Variants in ANKRD27 observed in about 807,000 individuals in gnomAD.
ANKRD27 encodes ankyrin repeat domain 27.
ANKRD27 carries 112 observed loss-of-function variants against 129.7 expected under a neutral mutation model. That is an observed-to-expected ratio of 0.86 (90% CI 0.74 to 1.01). The LOEUF (loss-of-function observed/expected upper bound fraction) is 1.01. Among genes scored for constraint, ANKRD27 ranks in the 50% least tolerant of loss-of-function variants. ANKRD27 has a pLI of 0.00. For missense variants in ANKRD27, 1,258 were observed against 1,300.5 expected, an observed-to-expected ratio of 0.97 and a Z score of 0.50; for synonymous variants, 516 against 511.2, an observed-to-expected ratio of 1.01 and a Z score of -0.13.
intron 18 of ANKRD27, among the ~76,000 whole-genome samples, chr19:32,620,608 CA>C (rs1971994894): frequency 6.6e-6 from 1 of 150,672 alleles, no homozygotes; most frequent in African/African-American, 2.4e-5. Flanking sequence ...AAGATGAAAG[CA>C]GGGGCGGTGG....
chr19:32,643,920 A>C (rs1967251849), intron 5 of ANKRD27: 1 of 501,448 alleles, frequency 2.0e-6, no homozygotes, highest in South Asian at 2.2e-5. Context: ...TGTTGCCCAG[A>C]GTAGAGTGCA....
intron 17 of ANKRD27, among the ~76,000 whole-genome samples, chr19:32,624,901 C>T (rs1284672653): frequency 6.6e-6 from 1 of 151,986 alleles, no homozygotes; most frequent in Non-Finnish European, 1.5e-5. Context: ...CCACTGCACT[C>T]CAGCCTGGGC....
chr19:32,671,689 A>G (rs1266876732), intron 1 of ANKRD27, among the ~76,000 whole-genome samples: 1 of 152,230 alleles, frequency 6.6e-6, no homozygotes, highest in East Asian at 1.9e-4. Flanking sequence ...AGTGAGACCT[A>G]TCTCAAAAAC....
At chr19:32,605,976 T>C in intron 23 of ANKRD27, 22 bp from the exon 24 acceptor site, 1 of 1,587,242 alleles carries the variant, frequency 6.3e-7, no homozygotes, top group Non-Finnish European at 8.6e-7. Context: ...AAGGAAAACG[T>C]GCAAACTTAA....
At chr19:32,608,179 T>A (rs2145262265) in intron 22 of ANKRD27, among the ~76,000 whole-genome samples, 1 of 151,002 alleles carries the variant, frequency 6.6e-6, no homozygotes, top group South Asian at 2.1e-4. Flanking sequence ...AATTTTTTTT[T>A]TTTTTTTTTT....
chr19:32,649,724 A>C lies in ANKRD27; in HGVS notation c.171T>G (p.Ile57Met), dbSNP rs771163625. 2 of 1,614,012 alleles carry C rather than the reference A, an allele frequency of 1.2e-6. No individual in the cohort carries two copies. The highest frequency in any genetic ancestry group is 1.7e-6 in the Non-Finnish European group (2 of 1,179,950). The change falls in exon 3 of 29, where the codon ATT becomes ATG. Residue 57 changes from isoleucine to methionine, a missense_variant. Physicochemically the swap from Ile to Met is conservative, Grantham distance 10. Transcript: ENST00000306065. ...IQSTCQFESY[I>M]LIPVEEHFQT... The stretch of plus-strand genomic sequence containing the variant: ...GAAAATGCTCTTCCACAGGTATCAA[A>C]ATGTAGGACTCAAACTGACAAGTAG...
intron 16 of ANKRD27, among the ~76,000 whole-genome samples, chr19:32,626,252 C>T (rs577438799): frequency 6.6e-6 from 1 of 152,274 alleles, no homozygotes; most frequent in Admixed American, 6.5e-5. Context: ...ACTGCAGCCT[C>T]GACCTGCTGG....
At chr19:32,648,307 A>G (rs1458904535) in intron 3 of ANKRD27, among the ~76,000 whole-genome samples, 1 of 152,124 alleles carries the variant, frequency 6.6e-6, no homozygotes, top group African/African-American at 2.4e-5. Flanking sequence ...AGAGCTAAGA[A>G]GAAGTTTTTT....
Position 32,619,399 on chromosome 19 carries a change from A to G in ANKRD27, c.1888-20T>C, listed in dbSNP as rs374620512. On this transcript the variant is annotated intron_variant, in intron 19 of 28. Transcript: ENST00000306065. ...AGGGGCCTGCAGCCAAGGAGCCCCA[A>G]CGAGAGAGAGGACAGGACACAAGGA... 184 of 1,613,576 alleles carry G rather than the reference A, an allele frequency of 1.1e-4. No homozygotes were observed. In the Admixed American group the frequency reaches 2.4e-3, roughly 21 times the overall value.
chr19:32,646,687 T>C (rs932748724), intron 3 of ANKRD27, 72 bp from the exon 4 acceptor site: 3 of 1,532,158 alleles, frequency 2.0e-6, no homozygotes, highest in African/African-American at 1.4e-5. Flanking sequence ...TGGCCCCCGA[T>C]GCAGCACTTA....
At chr19:32,659,724 CAT>C (rs763110586) in intron 1 of ANKRD27, among the ~76,000 whole-genome samples, 7 of 152,054 alleles carry the variant, frequency 4.6e-5, no homozygotes. Flanking sequence ...CACATTTTGC[CAT>C]GTTTGCCTCA....
Position 32,629,605 on chromosome 19 carries a change from C to G in ANKRD27, c.1210-756G>C, listed in dbSNP as rs1966953690. ...ATCCCAGCGACTCGGGAGGCTGAGGCAGGAGAATCACTTGAACCCGGGAGA... is the reference window on the plus strand; with the variant it reads ...ATCCCAGCGACTCGGGAGGCTGAGGGAGGAGAATCACTTGAACCCGGGAGA... On this transcript the variant is annotated intron_variant, in intron 13 of 28. Transcript: ENST00000306065. Among the ~76,000 whole-genome samples the G allele has an allele frequency of 3.3e-5, 5 of 152,074 alleles. No homozygotes were observed. In the South Asian group the frequency reaches 1.0e-3, roughly 32 times the overall value.
At chr19:32,629,797 T>A (rs1007725117) in intron 13 of ANKRD27, among the ~76,000 whole-genome samples, 1 of 149,998 alleles carries the variant, frequency 6.7e-6, no homozygotes, top group Admixed American at 6.7e-5. Flanking sequence ...TCAGTGTGGA[T>A]TTTGCCACCT....
chr19:32,648,865 G>C (rs1368933680), intron 3 of ANKRD27, among the ~76,000 whole-genome samples: 1 of 151,864 alleles, frequency 6.6e-6, no homozygotes, highest in African/African-American at 2.4e-5. Flanking sequence ...AACCAATGTG[G>C]CAAGAATGTT....
chr19:32,673,560 C>A, intron 1 of ANKRD27: 1 of 519,340 alleles, frequency 1.9e-6, no homozygotes, highest in Non-Finnish European at 2.5e-6. Context: ...CCTCTGCTGT[C>A]TCCAAAGCTT....
intron 15 of ANKRD27, among the ~76,000 whole-genome samples, chr19:32,627,872 G>GC (rs1203681479): frequency 1.3e-5 from 2 of 152,234 alleles, no homozygotes; most frequent in East Asian, 3.9e-4. Flanking sequence ...CACGCAGGGG[G>GC]GCTCAGCCAG....
intron 13 of ANKRD27, among the ~76,000 whole-genome samples, chr19:32,629,732 A>G (rs1966957423): frequency 6.6e-6 from 1 of 151,540 alleles, no homozygotes; most frequent in South Asian, 2.1e-4. Context: ...AAAAAACAAC[A>G]TGACAAAATC....
chr19:32,653,661 C>A (rs1014203746), intron 2 of ANKRD27, among the ~76,000 whole-genome samples: 4 of 151,640 alleles, frequency 2.6e-5, no homozygotes, highest in Admixed American at 2.6e-4. Flanking sequence ...GAAGGAGACA[C>A]CTGCCTGGAT....
chr19:32,662,660 T>G (rs1175456052), intron 1 of ANKRD27, among the ~76,000 whole-genome samples: 2 of 152,150 alleles, frequency 1.3e-5, no homozygotes, highest in African/African-American at 4.8e-5. Context: ...GAGGATCGCT[T>G]GAGCCCAGGA....
Sources: allele counts gnomAD v4.1 joint callset (sites outside exome capture counted in the v4.1 genomes callset), GRCh38; gene constraint gnomAD v4.1.1; transcripts MANE v1.5; gene names NCBI Gene and HGNC (gene_info 2026-07-23, HGNC 2026-07-21).